The following CDKAL1 variants were observed in gnomAD, a reference collection of about 807,000 sequenced individuals.
CDKAL1 encodes CDKAL1 threonylcarbamoyladenosine tRNA methylthiotransferase.
In CDKAL1, 32 loss-of-function variants were observed where a neutral mutation model predicts 68.2. The ratio of observed to expected loss-of-function variants is 0.47; its 90% CI spans 0.35 to 0.63. CDKAL1 has a LOEUF of 0.63. CDKAL1 is among the 30% of genes least tolerant of loss of function. The pLI, the probability that CDKAL1 is intolerant of heterozygous loss-of-function variation, is 0.00. For synonymous variants in CDKAL1, 234 were observed against 244.3 expected (o/e 0.96, Z 0.39); for missense variants, 606 against 696.7 (o/e 0.87, Z 1.47).
At chr6:20,656,940 T>A (rs1213902861) in intron 5 of CDKAL1, among the ~76,000 whole-genome samples, 2 of 152,188 alleles carry the variant, frequency 1.3e-5, no homozygotes, top group Non-Finnish European at 2.9e-5. Flanking sequence ...CTAATTCTTA[T>A]TAAGATAACA....
At chr6:21,096,416 C>T (rs1258390148) in intron 12 of CDKAL1, among the ~76,000 whole-genome samples, 2 of 152,160 alleles carry the variant, frequency 1.3e-5, no homozygotes, top group Admixed American at 1.3e-4. Context: ...ATACTGGGCT[C>T]AAGCTCAGCC....
chr6:20,875,212 T>C (rs1028719423), intron 9 of CDKAL1, among the ~76,000 whole-genome samples: 2 of 141,462 alleles, frequency 1.4e-5, no homozygotes, highest in Admixed American at 7.8e-5. Flanking sequence ...GGCAGGAGAA[T>C]GGCGTGAACC....
chr6:21,169,386 G>A (rs1340736158), intron 13 of CDKAL1, among the ~76,000 whole-genome samples: 1 of 152,226 alleles, frequency 6.6e-6, no homozygotes, highest in South Asian at 2.1e-4. Context: ...TATAATCCCA[G>A]CACTTTGGGA....
intron 11 of CDKAL1, among the ~76,000 whole-genome samples, chr6:21,015,947 CAAAA>C (rs776583682): frequency 7.9e-5 from 6 of 75,550 alleles, no homozygotes; most frequent in Admixed American, 1.5e-4. Context: ...GACTCTGACT[CAAAA>C]AAAAAAAAAA....
intron 13 of CDKAL1, among the ~76,000 whole-genome samples, chr6:21,138,983 T>G (rs542794992): frequency 2.0e-5 from 3 of 152,320 alleles, no homozygotes; most frequent in Admixed American, 2.0e-4. Context: ...AAGCCTGCTT[T>G]CAAGAGAGAA....
intron 9 of CDKAL1, among the ~76,000 whole-genome samples, chr6:20,897,868 T>A (rs1761773380): frequency 6.6e-6 from 1 of 152,136 alleles, no homozygotes; most frequent in Non-Finnish European, 1.5e-5. Context: ...TACATTTATT[T>A]CATTATTAAT....
chr6:20,719,846 C>T (rs1379348532), intron 5 of CDKAL1, among the ~76,000 whole-genome samples: 2 of 152,130 alleles, frequency 1.3e-5, no homozygotes, highest in African/African-American at 2.4e-5. Context: ...TTATAATGCC[C>T]ACTTCTTTAT....
chr6:20,931,439 C>A (rs923214404), intron 9 of CDKAL1, among the ~76,000 whole-genome samples: 9 of 152,108 alleles, frequency 5.9e-5, no homozygotes, highest in Admixed American at 5.9e-4. Context: ...TGGTAAGAGG[C>A]AGAGTCAGGG....
intron 15 of CDKAL1, among the ~76,000 whole-genome samples, chr6:21,205,356 A>G (rs1778864380): frequency 6.6e-6 from 1 of 151,822 alleles, no homozygotes; most frequent in African/African-American, 2.4e-5. Flanking sequence ...CTCTATTTTT[A>G]ATCTTTTGAG....
chr6:20,843,753 GTC>G (rs879683713), intron 8 of CDKAL1, among the ~76,000 whole-genome samples: 1 of 152,150 alleles, frequency 6.6e-6, no homozygotes, highest in Admixed American at 6.5e-5. Context: ...ATTAGGAATG[GTC>G]AACCAATAGC....
At chr6:20,784,523 C>G (rs1381290062) in intron 8 of CDKAL1, among the ~76,000 whole-genome samples, 4 of 137,644 alleles carry the variant, frequency 2.9e-5, no homozygotes, top group African/African-American at 1.1e-4. Context: ...CTCCTGGGTT[C>G]AAGTGATTCT....
chr6:21,156,654 C>T lies in CDKAL1; in HGVS notation c.1300-41367C>T, dbSNP rs972843875. Among the ~76,000 whole-genome samples the T allele has an allele frequency of 9.9e-5, 15 of 151,818 alleles. 1 individual carries two copies. Among genetic ancestry groups the T allele is most frequent in the African/African-American group, 1.5e-4 (6 of 41,308 alleles). On this transcript the variant is annotated intron_variant, in intron 13 of 15. Transcript: ENST00000274695. Reference sequence around the variant, plus strand: ...CAAATTTGTCTGAAAGGAATTGAAACGGGAATGGGAGGTTTAGAAGGAAGA... The same window carrying T: ...CAAATTTGTCTGAAAGGAATTGAAATGGGAATGGGAGGTTTAGAAGGAAGA...
chr6:21,143,810 T>C (rs1349873054), intron 13 of CDKAL1, among the ~76,000 whole-genome samples: 1 of 152,198 alleles, frequency 6.6e-6, no homozygotes, highest in South Asian at 2.1e-4. Flanking sequence ...TCTCCAGACC[T>C]GTGTCTCAAG....
intron 8 of CDKAL1, among the ~76,000 whole-genome samples, chr6:20,815,710 C>G (rs2150431220): frequency 1.3e-5 from 2 of 151,852 alleles, no homozygotes; most frequent in Middle Eastern, 6.8e-3. Flanking sequence ...GAAAAAAGCA[C>G]AAATAGTTGG....
chr6:21,009,573 T>C (rs1650384133), intron 11 of CDKAL1, among the ~76,000 whole-genome samples: 1 of 152,198 alleles, frequency 6.6e-6, no homozygotes, highest in African/African-American at 2.4e-5. Flanking sequence ...GCAGATAAAC[T>C]ATGCCCAATA....
chr6:21,049,416 G>A (rs542246245), intron 11 of CDKAL1, among the ~76,000 whole-genome samples: 1 of 152,262 alleles, frequency 6.6e-6, no homozygotes, highest in South Asian at 2.1e-4. Context: ...TAAGAATTGT[G>A]TTAGCAGTAC....
chr6:21,151,367 C>G (rs1171155327), intron 13 of CDKAL1, among the ~76,000 whole-genome samples: 2 of 152,192 alleles, frequency 1.3e-5, no homozygotes, highest in Non-Finnish European at 1.5e-5. Context: ...TGTTACCTAG[C>G]TCTGGGAAGC....
At chr6:20,670,576 C>T (rs896882900) in intron 5 of CDKAL1, among the ~76,000 whole-genome samples, 11 of 152,000 alleles carry the variant, frequency 7.2e-5, no homozygotes, top group African/African-American at 1.2e-4. Flanking sequence ...AGTGATTTTT[C>T]GTATTTTGAT....
chr6:20,834,346 G>A (rs1228461317), intron 8 of CDKAL1, among the ~76,000 whole-genome samples: 1 of 152,158 alleles, frequency 6.6e-6, no homozygotes, highest in African/African-American at 2.4e-5. Flanking sequence ...GTCTTTGTTA[G>A]GCAAGAGGAT....
Sources: allele counts gnomAD v4.1 joint callset (sites outside exome capture counted in the v4.1 genomes callset), GRCh38; gene constraint gnomAD v4.1.1; transcripts MANE v1.5; gene names NCBI Gene and HGNC (gene_info 2026-07-23, HGNC 2026-07-21).